Variants in PCDH9 observed in about 807,000 individuals in gnomAD.
The protein encoded by PCDH9 is protocadherin-9.
A neutral mutation model predicts 70.6 loss-of-function variants in PCDH9; 24 were observed. That is an observed-to-expected ratio of 0.34 (90% CI 0.25 to 0.48). PCDH9 has a LOEUF of 0.48. PCDH9 is among the 20% of genes least tolerant of loss of function. The pLI is 0.99. For synonymous variants in PCDH9, 562 were observed against 558.5 expected (o/e 1.01, Z -0.09); for missense variants, 1,281 against 1,503.6 (o/e 0.85, Z 2.45).
intron 3 of PCDH9, chr13:66,825,144 G>A (rs1182264840): frequency 6.6e-6 from 1 of 151,320 alleles, no homozygotes; most frequent in Non-Finnish European, 1.5e-5. Flanking sequence ...GTTCTAGAAT[G>A]TTCTCATTTT....
At chr13:67,175,318 C>G (rs1252357708) in intron 2 of PCDH9, among the ~76,000 whole-genome samples, 2 of 152,080 alleles carry the variant, frequency 1.3e-5, no homozygotes, top group African/African-American at 4.8e-5. Flanking sequence ...TTCGTTTCTA[C>G]CCATCACAAT....
chr13:66,590,000 T>A (rs558631259), intron 4 of PCDH9, among the ~76,000 whole-genome samples: 3 of 152,132 alleles, frequency 2.0e-5, no homozygotes, highest in South Asian at 4.2e-4. Flanking sequence ...GAAGGCAGAA[T>A]CCAATATATT....
rs116337646 is a variant in PCDH9 at position 66,647,681 on chromosome 13, G to A, written c.3139-16270C>T. On this transcript the variant is annotated intron_variant, in intron 3 of 4. Transcript: ENST00000377865. ...CTGCTTGAGAAGGTGGGAGAGAAGAGTAAAGGGGGCTTTGTCTTGCAGCTT... is the reference window on the plus strand; with the variant it reads ...CTGCTTGAGAAGGTGGGAGAGAAGAATAAAGGGGGCTTTGTCTTGCAGCTT... 1.9e-3 allele frequency among the ~76,000 whole-genome samples: 296 copies of A among 152,248 alleles called. 1 individual carries two copies. Among genetic ancestry groups the A allele is most frequent in the African/African-American group, 7.0e-3 (290 of 41,558 alleles).
chr13:67,050,964 C>T lies in PCDH9; in HGVS notation c.3037-147359G>A, dbSNP rs569632616. 9.2e-5 allele frequency among the ~76,000 whole-genome samples: 14 copies of T among 152,214 alleles called. No individual in the cohort carries two copies. In the East Asian group the frequency reaches 2.7e-3, roughly 29 times the overall value. ...TGTCAAGAGTTAGTAATAAAAAATA[C>T]AACTAAAAGCTCAACAAGCAATAGA... is the stretch of plus-strand genomic sequence containing the variant. On this transcript the variant is annotated intron_variant, in intron 2 of 4. Transcript: ENST00000377865.
intron 2 of PCDH9, among the ~76,000 whole-genome samples, chr13:66,922,440 G>A (rs957462736): frequency 6.6e-6 from 1 of 151,304 alleles, no homozygotes; most frequent in African/African-American, 2.4e-5. Flanking sequence ...AAATGGACAG[G>A]AGAGCTAACT....
Position 67,225,947 on chromosome 13 carries a change from C to T in PCDH9, c.2494G>A (p.Val832Ile), listed in dbSNP as rs769566064. ...GAMVVIVVIF[V>I]TVLVRCRHAS... is the part of the protein sequence containing the mutation. ...TGGCGACAGCGCACCAGAACGGTGA[C>T]GAAGATCACAACAATGACCACCATG... is the stretch of plus-strand genomic sequence containing the variant. Residue 832 changes from valine to isoleucine, a missense_variant, in exon 2 of 5, where the codon GTC becomes ATC. By Grantham distance (29) the Val-to-Ile change is conservative. This residue lies in a region of PCDH9 where 207 missense variants were observed against 191.8 expected (regional missense o/e 1.08). Transcript: ENST00000377865. 8 of 1,614,054 alleles carry T rather than the reference C, an allele frequency of 5.0e-6. No individual in the cohort carries two copies. Among genetic ancestry groups the T allele is most frequent in the Admixed American group, 3.3e-5 (2 of 59,998 alleles).
chr13:66,573,526 C>G (rs572466730), intron 4 of PCDH9, among the ~76,000 whole-genome samples: 2 of 152,204 alleles, frequency 1.3e-5, no homozygotes, highest in South Asian at 4.2e-4. Context: ...TTCCTTGTTA[C>G]CTATGTGAGT....
Position 67,120,187 on chromosome 13 carries a change from A to AAATAATAATAATAATAAT in PCDH9, c.3036+105200_3036+105217dup, listed in dbSNP as rs149316252. Among the ~76,000 whole-genome samples, 1,033 of 143,724 alleles carry AAATAATAATAATAATAAT rather than the reference A, an allele frequency of 7.2e-3. 5 individuals are homozygous for AAATAATAATAATAATAAT. Among genetic ancestry groups the AAATAATAATAATAATAAT allele is most frequent in the East Asian group, 0.022 (108 of 4,926 alleles). The allele number at this position is 143,724 out of a possible 152,430, so 94.3% of individuals were successfully genotyped here. A position where few individuals can be genotyped will look rare whatever the true frequency, so the allele number is the denominator to read the frequency against. On this transcript the variant is annotated intron_variant, in intron 2 of 4. Transcript: ENST00000377865. Reference sequence around the variant, plus strand: ...CAGCTGCATGTAATGCTCATGCATTAAATAATAATAATAATAATAATAATA... The same window carrying AAATAATAATAATAATAAT: ...CAGCTGCATGTAATGCTCATGCATTAAATAATAATAATAATAATAATAATAATAATAATAATAATAATA...
chr13:66,828,070 A>G (rs1204354891), intron 3 of PCDH9, among the ~76,000 whole-genome samples: 2 of 152,204 alleles, frequency 1.3e-5, no homozygotes, highest in African/African-American at 4.8e-5. Context: ...AATTAAATTC[A>G]AACTGACATG....
intron 2 of PCDH9, among the ~76,000 whole-genome samples, chr13:67,196,034 G>A (rs994502739): frequency 6.6e-6 from 1 of 152,190 alleles, no homozygotes; most frequent in Non-Finnish European, 1.5e-5. Context: ...TTAAAGGAGA[G>A]GTGACACTGA....
intron 2 of PCDH9, among the ~76,000 whole-genome samples, chr13:67,113,640 C>T (rs1008264449): frequency 6.6e-5 from 10 of 151,932 alleles, no homozygotes; most frequent in African/African-American, 2.4e-4. Flanking sequence ...CTCCGCCTCC[C>T]GGGTTCCCGC....
intron 3 of PCDH9, among the ~76,000 whole-genome samples, chr13:66,804,201 A>C (rs886185459): frequency 6.6e-6 from 1 of 152,192 alleles, no homozygotes; most frequent in African/African-American, 2.4e-5. Context: ...AGTTTACTAC[A>C]TTGTGTTTTG....
intron 2 of PCDH9, among the ~76,000 whole-genome samples, chr13:66,975,340 T>G (rs965042988): frequency 6.6e-6 from 1 of 152,056 alleles, no homozygotes; most frequent in Non-Finnish European, 1.5e-5. Flanking sequence ...TCAATGGATT[T>G]TTTGTTAGGA....
At chr13:67,203,456 G>A (rs991899909) in intron 2 of PCDH9, 2 of 151,620 alleles carry the variant, frequency 1.3e-5, no homozygotes, top group Admixed American at 6.6e-5. Context: ...GACCCTTTTG[G>A]CTTTAAAATC....
intron 2 of PCDH9, among the ~76,000 whole-genome samples, chr13:67,084,985 AAAAAAAAAAAAAATATATATATATAT>A (rs2086069754): frequency 1.4e-5 from 1 of 73,808 alleles, no homozygotes; most frequent in South Asian, 5.0e-4. Context: ...AAAAAAAAAA[AAAAAAAAAAAAAATATATATATATAT>A]ATATATATAT....
At chr13:66,943,027 C>A (rs1318380081) in intron 2 of PCDH9, among the ~76,000 whole-genome samples, 1 of 151,862 alleles carries the variant, frequency 6.6e-6, no homozygotes, top group Non-Finnish European at 1.5e-5. Context: ...TATTTGATAC[C>A]CTAATTTGAG....
chr13:66,555,146 G>A (rs1057113979), intron 4 of PCDH9, among the ~76,000 whole-genome samples: 1 of 152,132 alleles, frequency 6.6e-6, no homozygotes, highest in Non-Finnish European at 1.5e-5. Context: ...TCCAGCCTGG[G>A]CAACAAGAGT....
intron 2 of PCDH9, chr13:67,207,160 G>A (rs1377748827): frequency 2.0e-5 from 3 of 150,680 alleles, no homozygotes; most frequent in South Asian, 2.1e-4. Context: ...AAAAAAAAAG[G>A]TTAAATTAGA....
rs1222363771 is a variant in PCDH9 at position 66,453,779 on chromosome 13, T to A, written c.3341-148751A>T. Among the ~76,000 whole-genome samples the A allele has an allele frequency of 2.6e-5, 4 of 152,232 alleles. No homozygotes were observed. The East Asian group carries it at 5.8e-4, about 22-fold the overall frequency. On this transcript the variant is annotated intron_variant, in intron 4 of 4. Transcript: ENST00000377865. ...ATGGATTCTACACTGGCCAAAGCTG[T>A]TTTGCAAAAATTATTATTTCTTAAC...
Sources: gnomAD v4.1 joint callset for allele counts (sites outside exome capture counted in the v4.1 genomes callset) on GRCh38, gnomAD v4.1.1 for gene constraint, gnomAD v4.1.1 regional missense constraint, MANE v1.5 for transcripts, NCBI Gene and HGNC (gene_info 2026-07-23, HGNC 2026-07-21) for gene names.